Variants in TTN observed in about 807,000 individuals in gnomAD.
The protein encoded by TTN is connectin.
A neutral mutation model predicts 3,223.0 loss-of-function variants in TTN; 1,525 were observed. The observed-to-expected ratio is 0.47, with a 90% CI of 0.45 to 0.49. The LOEUF (loss-of-function observed/expected upper bound fraction) is 0.49. Ranked by LOEUF, TTN falls within the 20% of genes least tolerant of loss-of-function variation. The pLI is 0.00. For synonymous variants in TTN, 14,094 were observed against 15,161.0 expected, an observed-to-expected ratio of 0.93 and a Z score of 5.17; for missense variants, 40,786 against 43,424.0, an observed-to-expected ratio of 0.94 and a Z score of 5.40.
intron 29 of TTN, 60 bp downstream of exon 29, chr2:178,774,856 TTTACC>T (rs2092016194): frequency 1.3e-6 from 2 of 1,590,346 alleles, no homozygotes; most frequent in African/African-American, 2.7e-5. Flanking sequence ...CATAGCTAAT[TTTACC>T]ACATGCTAAG....
chr2:178,765,838 G>A (rs2090290081), intron 41 of TTN, among the ~76,000 whole-genome samples: 1 of 152,176 alleles, frequency 6.6e-6, no homozygotes, highest in South Asian at 2.1e-4. Flanking sequence ...AGGCTCCTCA[G>A]GAGTGCTTGG....
At chr2:178,757,227 A>ATACTGTACTTGCTTTAAGTACAGCAAG (rs1553968975) in intron 45 of TTN, among the ~76,000 whole-genome samples, 3 of 150,194 alleles carry the variant, frequency 2.0e-5, no homozygotes, top group African/African-American at 7.3e-5. Context: ...ACAGTAAGTA[A>ATACTGTACTTGCTTTAAGTACAGCAAG]TAATCAGCAA....
chr2:178,536,576 C>G lies in TTN; in HGVS notation c.100172-1G>C, dbSNP rs2154137558. On this transcript the variant is annotated splice_acceptor_variant, in intron 356 of 362. Transcript: ENST00000589042. LOFTEE classifies it high-confidence loss of function. ...GGTTTGCCAGGAGCACCTGGCTTTT[C>G]TATTAAACAAAAAAAAGATTTGAGT... 6.7e-7 allele frequency: 1 copy of G among 1,486,408 alleles called. No homozygotes were observed. 92.1% of individuals were successfully genotyped at this position (1,486,408 alleles called of 1,614,324 possible).
Position 178,626,865 on chromosome 2 carries a change from TATCA to T in TTN, c.44425-1473_44425-1470del, listed in dbSNP as rs1444250325. 2.6e-5 allele frequency among the ~76,000 whole-genome samples: 4 copies of T among 152,088 alleles called. No individual in the cohort carries two copies. The East Asian group carries it at 5.8e-4, about 22-fold the overall frequency. ...TTTATCTATTAATATTATGTTGCTT[TATCA>T]TCTGAGTTCCTCTGTAGCTACTCTA... is the stretch of plus-strand genomic sequence containing the variant. On this transcript the variant is annotated intron_variant, in intron 240 of 362. Coordinates refer to ENST00000589042, the MANE Select transcript of TTN (RefSeq NM_001267550.2).
chr2:178,619,590 T>C (rs757356218), intron 250 of TTN, 31 bp downstream of exon 250: 13 of 1,600,868 alleles, frequency 8.1e-6, no homozygotes, highest in Admixed American at 1.8e-5. Flanking sequence ...TCTGTGATAT[T>C]GGAAGGATAT....
In TTN at chr2:178,568,628, C is replaced by T; in HGVS notation, c.77504G>A (p.Gly25835Asp). 6.2e-7 allele frequency: 1 copy of T among 1,613,300 alleles called. No homozygotes were observed. Among genetic ancestry groups the T allele is most frequent in the Non-Finnish European group, 8.5e-7 (1 of 1,179,508 alleles). ...PKPTITWTKD[G>D]LPLKQTTRIN... ...TCTTGTGGTCTGCTTCAGTGGGAGACCATCTTTAGTCCAGGTAATGGTTGG... is the reference window on the plus strand; with the variant it reads ...TCTTGTGGTCTGCTTCAGTGGGAGATCATCTTTAGTCCAGGTAATGGTTGG... The change falls in exon 326 of 363, where the codon GGT becomes GAT. Residue 25835 changes from glycine to aspartate, a missense_variant. Gly to Asp is a moderately conservative substitution (Grantham distance 94). Transcript: ENST00000589042.
intron 127 of TTN, among the ~76,000 whole-genome samples, chr2:178,686,122 T>TA (rs2070814808): frequency 8.7e-6 from 1 of 115,090 alleles, no homozygotes; most frequent in Non-Finnish European, 1.7e-5. Context: ...AATTTTTTTT[T>TA]TTTTTTTTTT....
chr2:178,591,428 A>G lies in TTN; in HGVS notation c.60297T>C (p.Pro20099=). 1 of 1,607,138 alleles carries G rather than the reference A, an allele frequency of 6.2e-7. No homozygotes were observed. Among genetic ancestry groups the G allele is most frequent in the Non-Finnish European group, 8.5e-7 (1 of 1,176,854 alleles). ...GAACAGGCACACCTCTTATAATAGC[A>G]GGGAATCTGACTGTGGTTCCAGCCT... ...VVKAGTTVRF[P]AIIRGVPVPT... The change falls in exon 304 of 363, where the codon CCT becomes CCC. Residue 20099 remains proline (P), a synonymous_variant. Transcript: ENST00000589042.
Position 178,718,764 on chromosome 2 carries a change from C to T in TTN, c.24436G>A (p.Gly8146Arg). 1 of 1,613,766 alleles carries T rather than the reference C, an allele frequency of 6.2e-7. No individual in the cohort carries two copies. The highest frequency in any genetic ancestry group is 8.5e-7 in the Non-Finnish European group (1 of 1,179,734). Residue 8146 changes from glycine (G) to arginine (R), a missense_variant, in exon 84 of 363, where the codon GGA (glycine) becomes AGA (arginine). Transcript: ENST00000589042. ...TTTGTAACGAGGCAAGAATAGTCTC[C>T]ACTTTCTAATGGCTGCACCTCAAAC... ...ELFEVQPLES[G>R]DYSCLVTNDA...
intron 2 of TTN, 96 bp from the exon 3 acceptor site, chr2:178,802,437 A>C: frequency 1.4e-6 from 2 of 1,411,050 alleles, no homozygotes; most frequent in Non-Finnish European, 2.0e-6. Flanking sequence ...CGAATCTGTA[A>C]AAGCTTTCCA....
At chr2:178,619,551 T>C (rs554147751) in intron 250 of TTN, 70 bp downstream of exon 250, 1 of 1,570,868 alleles carries the variant, frequency 6.4e-7, no homozygotes, top group African/African-American at 1.4e-5. Context: ...ATTACCTCAT[T>C]AAATAACTGT....
At position 178,612,824 on chromosome 2, in the gene TTN, C is replaced by T; in HGVS notation, c.49897G>A (p.Glu16633Lys). The T allele has an allele frequency of 1.2e-6, 2 of 1,612,418 alleles. No individual in the cohort carries two copies. The highest frequency in any genetic ancestry group is 1.7e-6 in the Non-Finnish European group (2 of 1,179,166). The part of the protein sequence containing the change: ...FRVRAVNKAG[E>K]SEPSEPSDPV... ...TCACTGGGTTCACTGGGTTCACTTT[C>T]CCCAGCCTTATTCACAGCTCTAACT... Residue 16633 changes from glutamate to lysine, a missense_variant, in exon 265 of 363, where the codon GAA becomes AAA. By Grantham distance (56) the Glu-to-Lys change is moderately conservative (BLOSUM62 1). Coordinates refer to ENST00000589042, the MANE Select transcript of TTN (RefSeq NM_001267550.2).
rs371483198 is a variant in TTN at position 178,554,868 on chromosome 2, G to A, written c.88591C>T (p.Leu29531Phe). The change falls in exon 331 of 363, where the codon CTT (leucine) becomes TTT (phenylalanine). Residue 29531 changes from leucine (L) to phenylalanine (F), a missense_variant. Coordinates refer to ENST00000589042, the MANE Select transcript of TTN (RefSeq NM_001267550.2). ...GTGGTCTGTATTCAGCACCTACCAAGGATCTGTACTCTGATGGTGGCTGAG... is the reference window on the plus strand; with the variant it reads ...GTGGTCTGTATTCAGCACCTACCAAAGATCTGTACTCTGATGGTGGCTGAG... The part of the protein sequence containing the change: ...SASATIRVQI[L>F]DKPGPPGGPI... 9.3e-6 allele frequency: 15 copies of A among 1,613,702 alleles called. No individual in the cohort carries two copies. In the African/African-American group the frequency reaches 1.1e-4, roughly 11 times the overall value.
chr2:178,566,326 A>G lies in TTN; in HGVS notation c.79806T>C (p.Ile26602=), dbSNP rs770125328. The G allele has an allele frequency of 2.5e-6, 4 of 1,613,570 alleles. No individual in the cohort carries two copies. The highest frequency in any genetic ancestry group is 2.5e-6 in the Non-Finnish European group (3 of 1,179,700). The change falls in exon 326 of 363, where the codon ATT becomes ATC. Residue 26602 remains isoleucine (I), a synonymous_variant. Coordinates refer to ENST00000589042, the MANE Select transcript of TTN (RefSeq NM_001267550.2). ...TGGCAGATCCACCAGCTCTTACAAC[A>G]ATTCCTTTTCTTAATTCGGAGTCAA... ...LDLDSELRKG[I]VVRAGGSARI...
In TTN at chr2:178,614,061, A is replaced by G. The variant is rs774443816; in HGVS notation, c.49336T>C (p.Tyr16446His). 1.2e-6 allele frequency: 2 copies of G among 1,611,846 alleles called. No individual in the cohort carries two copies. The highest frequency in any genetic ancestry group is 1.7e-5 in the Admixed American group (1 of 59,818). ...PVQASPITAK[Y>H]QFDPPGPPTR... ...TGATTGAGAAACTTACCAAACTGAT[A>G]TTTGGCTGTTATTGGAGAGGCCTGA... Residue 16446 changes from tyrosine to histidine, a missense_variant, in exon 262 of 363, where the codon TAT (tyrosine) becomes CAT (histidine). Coordinates refer to ENST00000589042, the MANE Select transcript of TTN (RefSeq NM_001267550.2).
In TTN at chr2:178,800,268, C is replaced by G. The variant is rs2093990980; in HGVS notation, c.583+127G>C. On this transcript the variant is annotated intron_variant, in intron 4 of 362. Transcript: ENST00000589042. The stretch of plus-strand genomic sequence containing the variant: ...GGGACTTTTCATGGGTGTCGAAAAG[C>G]CAGCTTTTATATCAGCTCACAGCAT... 3 of 1,311,268 alleles carry G rather than the reference C, an allele frequency of 2.3e-6. No homozygotes were observed. The Admixed American group carries it at 6.4e-5, about 28-fold the overall frequency. The allele number at this position is 1,311,268 out of a possible 1,614,324, so 81.2% of individuals were successfully genotyped here.
Position 178,535,065 on chromosome 2 carries a change from A to C in TTN, c.101550T>G (p.Val33850=), listed in dbSNP as rs2154136408. The C allele has an allele frequency of 6.2e-7, 1 of 1,613,922 alleles. No homozygotes were observed. The highest frequency in any genetic ancestry group is 1.3e-5 in the African/African-American group (1 of 75,038). The part of the protein sequence containing the change: ...SSKKTYMAKF[V]KVKGTDQVLV... ...AAACCTGATCAGTCCCTTTGACTTT[A>C]ACAAATTTGGCCATGTATGTCTTCT... Residue 33850 remains valine (V), a synonymous_variant, in exon 358 of 363, where the codon GTT becomes GTG. Transcript: ENST00000589042.
At chr2:178,764,383 A>C in intron 42 of TTN, 81 bp from the exon 43 acceptor site, 2 of 1,612,494 alleles carry the variant, frequency 1.2e-6, no homozygotes, top group South Asian at 2.2e-5. Flanking sequence ...GTTTATCTTA[A>C]TTTATTTCAC....
chr2:178,665,639 G>T (rs2065798640), intron 164 of TTN, 69 bp downstream of exon 164: 1 of 1,281,332 alleles, frequency 7.8e-7, no homozygotes, highest in Non-Finnish European at 1.0e-6. Context: ...TTATTCTCCA[G>T]TTCCCTAGCA....
Sources: gnomAD v4.1 joint callset for allele counts (sites outside exome capture counted in the v4.1 genomes callset) on GRCh38, gnomAD v4.1.1 for gene constraint, MANE v1.5 for transcripts, NCBI Gene and HGNC (gene_info 2026-07-23, HGNC 2026-07-21) for gene names.